Variants in TDRP observed in about 807,000 individuals in gnomAD.
The protein encoded by TDRP is testis development-related protein.
In TDRP, 12 loss-of-function variants were observed where a neutral mutation model predicts 10.5. The observed-to-expected ratio is 1.15, with a 90% CI of 0.73 to 1.86. The LOEUF (loss-of-function observed/expected upper bound fraction) is 1.86. Ranked by LOEUF, TDRP falls within the 40% of genes most tolerant of loss-of-function variation. The pLI is 0.00. For synonymous variants in TDRP, 139 were observed against 95.4 expected (o/e 1.46, Z -2.67); for missense variants, 353 against 229.2 (o/e 1.54, Z -3.49).
chr8:543,255 G>A (rs1035915192), intron 1 of TDRP, among the ~76,000 whole-genome samples: 2 of 152,172 alleles, frequency 1.3e-5, no homozygotes, highest in Non-Finnish European at 2.9e-5. Flanking sequence ...TGAGGCCGTA[G>A]TGAGCCGAGA....
At position 523,882 on chromosome 8, in the gene TDRP, T is replaced by G. The variant is rs151204043; in HGVS notation, c.108+20768A>C. 3.9e-5 allele frequency among the ~76,000 whole-genome samples: 6 copies of G among 152,258 alleles called. No individual in the cohort carries two copies. The East Asian group carries it at 1.2e-3, about 29-fold the overall frequency. On this transcript the variant is annotated intron_variant, in intron 1 of 2. Transcript: ENST00000324079. ...AGGGACCAGGGGGAACTCATTGTCC[T>G]GAAAGGAAGGATATAAGCCTGGCTG...
chr8:521,693 T>C (rs1801910307), intron 1 of TDRP, among the ~76,000 whole-genome samples: 1 of 152,218 alleles, frequency 6.6e-6, no homozygotes, highest in African/African-American at 2.4e-5. Context: ...TTTTTGTTTT[T>C]TTCTTTCTCA....
chr8:505,599 C>A (rs779576924), intron 1 of TDRP, among the ~76,000 whole-genome samples: 1 of 152,178 alleles, frequency 6.6e-6, no homozygotes, highest in Non-Finnish European at 1.5e-5. Flanking sequence ...CAGCCATTTC[C>A]CATGAAGGCC....
intron 1 of TDRP, among the ~76,000 whole-genome samples, chr8:520,697 A>T (rs558726675): frequency 7.2e-5 from 11 of 152,310 alleles, no homozygotes; most frequent in Admixed American, 5.2e-4. Context: ...ATGATTAGCA[A>T]CGTTGAACAT....
intron 1 of TDRP, among the ~76,000 whole-genome samples, chr8:513,728 A>T (rs1165891469): frequency 2.0e-5 from 3 of 152,220 alleles, no homozygotes; most frequent in Non-Finnish European, 2.9e-5. Context: ...TGATAACATG[A>T]TCTTTTGCAT....
chr8:534,714 G>C (rs77952899), intron 1 of TDRP, among the ~76,000 whole-genome samples: 2 of 152,346 alleles, frequency 1.3e-5, no homozygotes, highest in African/African-American at 4.8e-5. Context: ...TTGCTGCTCT[G>C]CAAGTTGTGG....
chr8:543,932 G>A (rs1802566446), intron 1 of TDRP, among the ~76,000 whole-genome samples: 1 of 138,994 alleles, frequency 7.2e-6, no homozygotes, highest in South Asian at 2.8e-4. Context: ...AAGGGAGGGG[G>A]GGGGAGGGGG....
intron 1 of TDRP, among the ~76,000 whole-genome samples, chr8:519,568 AC>A (rs1370885665): frequency 6.8e-6 from 1 of 146,504 alleles, no homozygotes; most frequent in Non-Finnish European, 1.5e-5. Context: ...AGACTGAAAA[AC>A]CCCCCTCTCC....
At chr8:515,601 C>A (rs1801738112) in intron 1 of TDRP, among the ~76,000 whole-genome samples, 1 of 152,136 alleles carries the variant, frequency 6.6e-6, no homozygotes, top group Non-Finnish European at 1.5e-5. Context: ...TCAACCTGTA[C>A]TATCAAAATA....
rs905154774 is a variant in TDRP, at chr8:490,543, A to C, written c.*1856T>G. On this transcript the variant is annotated 3_prime_UTR_variant, in exon 3 of 3. Coordinates refer to ENST00000324079, the MANE Select transcript of TDRP (RefSeq NM_001384899.1). ...CCAGAGTTTCAAACACAGTGTTTAC[A>C]TTCCTGCGCAGCAAGACCATGTTAG... 1.3e-5 allele frequency: 2 copies of C among 152,206 alleles called. No individual in the cohort carries two copies. The highest frequency in any genetic ancestry group is 2.9e-5 in the Non-Finnish European group (2 of 68,030). The allele number at this position is 152,206 out of a possible 1,614,324, so 9.4% of individuals were successfully genotyped here.
intron 1 of TDRP, among the ~76,000 whole-genome samples, chr8:513,307 G>T (rs980837861): frequency 6.6e-6 from 1 of 151,834 alleles, no homozygotes; most frequent in African/African-American, 2.4e-5. Flanking sequence ...AAAATGAAAA[G>T]AATTATGTAC....
chr8:536,790 C>G (rs929160062), intron 1 of TDRP, among the ~76,000 whole-genome samples: 1 of 152,146 alleles, frequency 6.6e-6, no homozygotes, highest in Non-Finnish European at 1.5e-5. Context: ...AGGAGCTCCC[C>G]AAGCATCAGT....
chr8:491,606 T>G lies in TDRP; in HGVS notation c.*793A>C. ...TATGCACAGTCTTAACTCTCTATAA[T>G]GAGCAAGACAATGTTTCCTAAATGA... On this transcript the variant is annotated 3_prime_UTR_variant, in exon 3 of 3. Transcript: ENST00000324079. 6 of 1,530,118 alleles carry G rather than the reference T, an allele frequency of 3.9e-6. No individual in the cohort carries two copies. Among genetic ancestry groups the G allele is most frequent in the Middle Eastern group, 1.7e-4 (1 of 5,964 alleles). The allele number at this position is 1,530,118 out of a possible 1,614,324, so 94.8% of individuals were successfully genotyped here.
intron 1 of TDRP, among the ~76,000 whole-genome samples, chr8:531,760 C>A (rs1462908534): frequency 6.6e-6 from 1 of 152,204 alleles, no homozygotes; most frequent in East Asian, 1.9e-4. Flanking sequence ...TATTAATCAT[C>A]TTCAGTCCAC....
At chr8:536,629 G>T (rs1420674326) in intron 1 of TDRP, among the ~76,000 whole-genome samples, 1 of 152,116 alleles carries the variant, frequency 6.6e-6, no homozygotes, top group African/African-American at 2.4e-5. Flanking sequence ...AAAATGTAAA[G>T]GATCTCTAAC....
Position 492,306 on chromosome 8 carries a change from C to T in TDRP, c.*93G>A. The T allele has an allele frequency of 2.2e-6, 3 of 1,376,534 alleles. No individual in the cohort carries two copies. Among genetic ancestry groups the T allele is most frequent in the Non-Finnish European group, 2.8e-6 (3 of 1,062,314 alleles). The allele number at this position is 1,376,534 out of a possible 1,614,324, so 85.3% of individuals were successfully genotyped here. A position where few individuals can be genotyped will look rare whatever the true frequency, so the allele number is the denominator to read the frequency against. On this transcript the variant is annotated 3_prime_UTR_variant, in exon 3 of 3. Transcript: ENST00000324079. ...ATCAAATATAGGCAAAAAGTAGACTCTCTATTCTTTCTAACGCGGAAAAGA... is the reference window on the plus strand; with the variant it reads ...ATCAAATATAGGCAAAAAGTAGACTTTCTATTCTTTCTAACGCGGAAAAGA...
chr8:509,674 T>C (rs1343239631), intron 1 of TDRP, among the ~76,000 whole-genome samples: 1 of 152,110 alleles, frequency 6.6e-6, no homozygotes, highest in Non-Finnish European at 1.5e-5. Context: ...GCCCCAAAGG[T>C]CTCTGACATG....
At chr8:519,422 G>A (rs2116815180) in intron 1 of TDRP, among the ~76,000 whole-genome samples, 1 of 152,244 alleles carries the variant, frequency 6.6e-6, no homozygotes, top group Non-Finnish European at 1.5e-5. Flanking sequence ...GTAGAAGCAA[G>A]GGTAGCATGG....
chr8:544,759 G>C lies in TDRP; in HGVS notation c.-2C>G, dbSNP rs1469595403. 2.4e-6 allele frequency: 3 copies of C among 1,236,388 alleles called. No homozygotes were observed. Among genetic ancestry groups the C allele is most frequent in the Non-Finnish European group, 1.0e-6 (1 of 988,340 alleles). The allele number at this position is 1,236,388 out of a possible 1,614,324, so 76.6% of individuals were successfully genotyped here. ...TCGGCCCCGGCCCAGCTTCCACATGGTCAGGCGGGCTCCGGCGTCCCTCCG... is the reference window on the plus strand; with the variant it reads ...TCGGCCCCGGCCCAGCTTCCACATGCTCAGGCGGGCTCCGGCGTCCCTCCG... On this transcript the variant is annotated 5_prime_UTR_variant, in exon 1 of 3. Coordinates refer to ENST00000324079, the MANE Select transcript of TDRP (RefSeq NM_001384899.1).
Sources: allele counts gnomAD v4.1 joint callset (sites outside exome capture counted in the v4.1 genomes callset), GRCh38; gene constraint gnomAD v4.1.1; transcripts MANE v1.5; gene names NCBI Gene and HGNC (gene_info 2026-07-23, HGNC 2026-07-21).